POLA1: variants seen among roughly 807,000 people sequenced by gnomAD.
POLA1 encodes the protein DNA polymerase alpha catalytic subunit.
POLA1 carries 15 observed loss-of-function variants against 124.0 expected under a neutral mutation model. The ratio of observed to expected loss-of-function variants is 0.12; its 90% confidence interval spans 0.08 to 0.19. The LOEUF (loss-of-function observed/expected upper bound fraction) is 0.19. POLA1 is among the 10% of genes least tolerant of loss of function. POLA1 has a pLI of 1.00. For synonymous variants in POLA1, 408 were observed against 389.4 expected (o/e 1.05, Z -0.56); for missense variants, 886 against 1,103.4 (o/e 0.80, Z 2.79).
At chrX:24,863,801 T>C (rs1362789967) in intron 34 of POLA1, among the ~76,000 whole-genome samples, 1 of 110,983 alleles carries the variant, frequency 9.0e-6, no homozygotes, top group Non-Finnish European at 1.9e-5. Flanking sequence ...TTTTTCCTCA[T>C]AGTTAATCTA....
Position 24,867,556 on chromosome X carries a change from C to A in POLA1, c.4048-20450C>A, listed in dbSNP as rs766965665. On this transcript the variant is annotated intron_variant, in intron 34 of 36. Transcript: ENST00000379068. ...TTTTTGTATTTTTAAATACATGAAA[C>A]CTTTACAGAGGATTTGTTTTATCAA... is the stretch of plus-strand genomic sequence containing the variant. 1.1e-3 allele frequency among the ~76,000 whole-genome samples: 118 copies of A among 111,461 alleles called. 1 individual carries two copies. Among genetic ancestry groups the A allele is most frequent in the Non-Finnish European group, 1.5e-3 (79 of 52,972 alleles).
intron 35 of POLA1, among the ~76,000 whole-genome samples, chrX:24,905,723 C>T (rs1019375213): frequency 1.8e-5 from 2 of 110,427 alleles, no homozygotes; most frequent in Admixed American, 9.6e-5. Flanking sequence ...CCACCACGCC[C>T]GGCTAATTTT....
At chrX:24,714,845 G>A (rs892779047) in intron 5 of POLA1, among the ~76,000 whole-genome samples, 176 bp downstream of exon 5, 7 of 112,703 alleles carry the variant, frequency 6.2e-5, no homozygotes, top group Non-Finnish European at 1.1e-4. Context: ...TGGAACTTGC[G>A]AAATGGAAAA....
At chrX:24,738,432 T>C (rs964103050) in intron 19 of POLA1, among the ~76,000 whole-genome samples, 5 of 110,639 alleles carry the variant, frequency 4.5e-5, no homozygotes, top group Non-Finnish European at 9.5e-5. Flanking sequence ...AGGGAGTTGA[T>C]GTTGGTTGTA....
chrX:24,707,033 T>C (rs780395822), intron 4 of POLA1, among the ~76,000 whole-genome samples: 12 of 112,405 alleles, frequency 1.1e-4, no homozygotes, highest in Non-Finnish European at 1.9e-4. Context: ...GTGAACCATC[T>C]TCCTGGTTCT....
At chrX:24,879,454 A>C (rs1343958989) in intron 34 of POLA1, among the ~76,000 whole-genome samples, 1 of 112,307 alleles carries the variant, frequency 8.9e-6, no homozygotes, top group Non-Finnish European at 1.9e-5. Context: ...TGGAATGTGG[A>C]AAGGAAAATG....
At chrX:24,907,030 A>G (rs1209262322) in intron 35 of POLA1, among the ~76,000 whole-genome samples, 1 of 111,159 alleles carries the variant, frequency 9.0e-6, no homozygotes, top group Admixed American at 9.6e-5. Flanking sequence ...TGTACTAGAA[A>G]TTTTTTTAAA....
At chrX:24,959,900 C>G (rs1213670562) in intron 36 of POLA1, among the ~76,000 whole-genome samples, 1 of 111,335 alleles carries the variant, frequency 9.0e-6, no homozygotes, top group Non-Finnish European at 1.9e-5. Flanking sequence ...TCTACTGGGC[C>G]GCACTGTGTC....
chrX:24,981,062 C>CG (rs766058011), intron 36 of POLA1, among the ~76,000 whole-genome samples: 10 of 112,362 alleles, frequency 8.9e-5, no homozygotes, highest in Admixed American at 2.8e-4. Flanking sequence ...TTCAGTCCCT[C>CG]GCTATGCTTC....
chrX:24,781,195 C>G (rs1157602213), intron 26 of POLA1, among the ~76,000 whole-genome samples: 1 of 111,351 alleles, frequency 9.0e-6, no homozygotes, highest in Non-Finnish European at 1.9e-5. Context: ...GGTAGTCACC[C>G]TGAACTCTGT....
chrX:24,874,986 A>G (rs2147118745), intron 34 of POLA1, among the ~76,000 whole-genome samples: 1 of 112,037 alleles, frequency 8.9e-6, no homozygotes, highest in Non-Finnish European at 1.9e-5. Context: ...TATACCTGCT[A>G]AGTGTTTGCC....
chrX:24,935,159 G>A (rs1245402605), intron 36 of POLA1, among the ~76,000 whole-genome samples: 1 of 111,714 alleles, frequency 9.0e-6, no homozygotes, highest in Non-Finnish European at 1.9e-5. Flanking sequence ...ATTCTTTAAA[G>A]GCCTTATACA....
chrX:24,701,563 G>C (rs1379558196), intron 2 of POLA1, among the ~76,000 whole-genome samples: 2 of 108,237 alleles, frequency 1.8e-5, no homozygotes, highest in Non-Finnish European at 3.8e-5. Flanking sequence ...AGCCTCCCAA[G>C]TAGCTGGGAT....
chrX:24,816,546 T>G (rs1257895444), intron 30 of POLA1, among the ~76,000 whole-genome samples: 1 of 112,449 alleles, frequency 8.9e-6, no homozygotes, highest in Middle Eastern at 4.2e-3. Flanking sequence ...TGGCATGGAA[T>G]CACTGTGTCA....
chrX:24,728,733 G>C (rs1252330233), intron 15 of POLA1, among the ~76,000 whole-genome samples: 1 of 112,085 alleles, frequency 8.9e-6, no homozygotes, highest in Non-Finnish European at 1.9e-5. Flanking sequence ...GCCAAATCCA[G>C]CCTGCTACCT....
intron 26 of POLA1, among the ~76,000 whole-genome samples, chrX:24,805,389 C>G (rs919940794): frequency 9.0e-6 from 1 of 111,696 alleles, no homozygotes; most frequent in Admixed American, 9.5e-5. Flanking sequence ...TTGTGTGACA[C>G]CGAGTCTCCT....
At chrX:24,840,957 T>C (rs2046400926) in intron 32 of POLA1, among the ~76,000 whole-genome samples, 1 of 112,624 alleles carries the variant, frequency 8.9e-6, no homozygotes, top group Admixed American at 9.4e-5. Context: ...CAAAATAGCA[T>C]AAACATGCAT....
chrX:24,824,471 T>C lies in POLA1; in HGVS notation c.3562-1956T>C, dbSNP rs1384826657. 5.8e-5 allele frequency among the ~76,000 whole-genome samples: 6 copies of C among 103,359 alleles called. No homozygotes were observed. The South Asian group carries it at 2.8e-3, about 48-fold the overall frequency. The allele number at this position is 103,359 out of a possible 115,157, so 89.8% of individuals were successfully genotyped here. On this transcript the variant is annotated intron_variant, in intron 31 of 36. Transcript: ENST00000379068. ...CCATGCCTGGCTAACTTTTTTTTTT[T>C]TTTTTTTTTGGTCAAAAAAAAAAAT... is the stretch of plus-strand genomic sequence containing the variant.
intron 34 of POLA1, among the ~76,000 whole-genome samples, chrX:24,849,450 A>G (rs1382552031): frequency 1.8e-5 from 2 of 111,854 alleles, no homozygotes; most frequent in African/African-American, 3.3e-5. Context: ...AAAATGTGAT[A>G]TTCTTTATGT....
Sources: allele counts gnomAD v4.1 joint callset (sites outside exome capture counted in the v4.1 genomes callset), GRCh38; gene constraint gnomAD v4.1.1; transcripts MANE v1.5; gene names NCBI Gene and HGNC (gene_info 2026-07-23, HGNC 2026-07-21).